Variants in AGAP1 observed in about 807,000 individuals in gnomAD.
AGAP1 encodes ArfGAP with GTPase domain, ankyrin repeat and PH domain 1.
In AGAP1, 29 loss-of-function variants were observed where a neutral mutation model predicts 105.3. That is an observed-to-expected ratio of 0.28 (90% confidence interval 0.21 to 0.38). The LOEUF (loss-of-function observed/expected upper bound fraction) is 0.38. Ranked by LOEUF, AGAP1 falls within the 10% of genes least tolerant of loss-of-function variation. The probability of loss-of-function intolerance (pLI) is 1.00; values close to 1 mark genes in which losing one functional copy is unlikely to be tolerated. For synonymous variants in AGAP1, 509 were observed against 485.9 expected, an observed-to-expected ratio of 1.05 and a Z score of -0.63; for missense variants, 998 against 1,165.1, an observed-to-expected ratio of 0.86 and a Z score of 2.09.
intron 1 of AGAP1, among the ~76,000 whole-genome samples, chr2:235,694,835 G>A (rs143559356): frequency 2.0e-5 from 3 of 152,200 alleles, no homozygotes; most frequent in African/African-American, 7.2e-5. Flanking sequence ...GGAAGCAAAC[G>A]CGTCTCAGAC....
intron 6 of AGAP1, among the ~76,000 whole-genome samples, chr2:235,758,943 C>A (rs1954165948): frequency 6.6e-6 from 1 of 152,138 alleles, no homozygotes; most frequent in Admixed American, 6.5e-5. Context: ...CAGGTGCGTG[C>A]CAGCACACCC....
rs1948094566 is a variant in AGAP1 at position 235,665,412 on chromosome 2, A to G, written c.164-43767A>G. On this transcript the variant is annotated intron_variant, in intron 1 of 17. Coordinates refer to ENST00000304032, the MANE Select transcript of AGAP1 (RefSeq NM_001037131.3). The surrounding 1 kb of genome is among the most constrained non-coding windows in gnomAD (Gnocchi z 5.3). ...AGGGTCAAGTCCTCATCTCTTTTAC[A>G]GTTCCACGTTTAACCTTCAGCTTTT... 6.6e-6 allele frequency among the ~76,000 whole-genome samples: 1 copy of G among 152,094 alleles called. No individual in the cohort carries two copies. Among genetic ancestry groups the G allele is most frequent in the African/African-American group, 2.4e-5 (1 of 41,400 alleles).
chr2:235,672,004 T>C (rs1948458856), intron 1 of AGAP1, among the ~76,000 whole-genome samples: 1 of 151,942 alleles, frequency 6.6e-6, no homozygotes, highest in African/African-American at 2.4e-5. Flanking sequence ...GTTGTATGCC[T>C]GAAGATATTG....
At chr2:235,697,578 G>A (rs753152338) in intron 1 of AGAP1, among the ~76,000 whole-genome samples, 56 of 152,200 alleles carry the variant, frequency 3.7e-4, no homozygotes, top group Non-Finnish European at 6.8e-4. Context: ...CTTGCCCCAC[G>A]GACCCTCCCC....
chr2:235,573,843 C>T (rs1176870577), intron 1 of AGAP1, among the ~76,000 whole-genome samples: 1 of 152,228 alleles, frequency 6.6e-6, no homozygotes, highest in African/African-American at 2.4e-5. Context: ...AAATGCTTGC[C>T]TCACCCCAGT....
At chr2:235,910,963 G>A (rs780835047) in intron 11 of AGAP1, among the ~76,000 whole-genome samples, 40 of 151,608 alleles carry the variant, frequency 2.6e-4, no homozygotes, top group Non-Finnish European at 4.6e-4. Flanking sequence ...GAAGTTGTGC[G>A]CACTGCAGAT....
chr2:236,115,281 G>T (rs1055008132), intron 16 of AGAP1, among the ~76,000 whole-genome samples: 1 of 152,184 alleles, frequency 6.6e-6, no homozygotes, highest in Non-Finnish European at 1.5e-5. Flanking sequence ...ATCCAAATGC[G>T]TGATCCCAAA....
rs1574742675 is a variant in AGAP1 at position 235,517,524 on chromosome 2, G to T, written c.163+22675G>T. On this transcript the variant is annotated intron_variant, in intron 1 of 17. Coordinates refer to ENST00000304032, the MANE Select transcript of AGAP1 (RefSeq NM_001037131.3). The surrounding 1 kb of genome is among the most constrained non-coding windows in gnomAD (Gnocchi z 4.1). ...GACTAATTTTTACTGGAAAGAAGTA[G>T]CAGCCATGAGGCAGGAGATCCTCTT... is the stretch of plus-strand genomic sequence containing the variant. Among the ~76,000 whole-genome samples, 1 of 152,278 alleles carries T rather than the reference G, an allele frequency of 6.6e-6. No individual in the cohort carries two copies. The highest frequency in any genetic ancestry group is 6.5e-5 in the Admixed American group (1 of 15,304).
chr2:235,892,086 G>A (rs146425095), intron 10 of AGAP1, among the ~76,000 whole-genome samples: 1,646 of 152,012 alleles, frequency 0.011, 36 homozygotes, highest in African/African-American at 0.038. Flanking sequence ...CCCAGGAGAC[G>A]GAGGTTGCAG....
In AGAP1 at chr2:235,533,403, G is replaced by A. The variant is rs148568405; in HGVS notation, c.163+38554G>A. Among the ~76,000 whole-genome samples, 345 of 152,272 alleles carry A rather than the reference G, an allele frequency of 2.3e-3. 1 individual carries two copies. The highest frequency in any genetic ancestry group is 7.7e-3 in the African/African-American group (321 of 41,552). On this transcript the variant is annotated intron_variant, in intron 1 of 17. Coordinates refer to ENST00000304032, the MANE Select transcript of AGAP1 (RefSeq NM_001037131.3). The stretch of plus-strand genomic sequence containing the variant: ...TTTCTGGATCAGACAAGTGGAGAAC[G>A]GTCTTAGGGAAATGTGTACATCCAT...
At position 235,734,955 on chromosome 2, in the gene AGAP1, G is replaced by A. The variant is rs190867849; in HGVS notation, c.311-6008G>A. On this transcript the variant is annotated intron_variant, in intron 3 of 17. Transcript: ENST00000304032. This position sits in a 1 kb window ranked among gnomAD's most constrained non-coding sequence, Gnocchi z 5.3. ...TTTGGGTGTTGCCAGTGATGTTTGC[G>A]TCATAAGATGGGGTGAGGGCTAACG... is the stretch of plus-strand genomic sequence containing the variant. Among the ~76,000 whole-genome samples, 478 of 125,440 alleles carry A rather than the reference G, an allele frequency of 3.8e-3. 2 individuals are homozygous for A. Among genetic ancestry groups the A allele is most frequent in the African/African-American group, 0.011 (446 of 39,344 alleles). 82.3% of individuals were successfully genotyped at this position (125,440 alleles called of 152,430 possible).
chr2:235,940,620 C>G (rs987596359), intron 12 of AGAP1, among the ~76,000 whole-genome samples: 5 of 152,226 alleles, frequency 3.3e-5, no homozygotes, highest in Admixed American at 2.6e-4. Context: ...ACCCAGACTT[C>G]TTGTTTTTCT....
intron 1 of AGAP1, among the ~76,000 whole-genome samples, chr2:235,542,509 A>G (rs1249384141): frequency 6.6e-6 from 1 of 152,198 alleles, no homozygotes; most frequent in African/African-American, 2.4e-5. Context: ...ATACCTATTC[A>G]TTGTTAAAAA....
chr2:235,807,304 G>A lies in AGAP1; in HGVS notation c.1023G>A (p.Gly341=). 1.2e-6 allele frequency: 2 copies of A among 1,600,870 alleles called. No homozygotes were observed. The highest frequency in any genetic ancestry group is 1.7e-6 in the Non-Finnish European group (2 of 1,176,686). The part of the protein sequence containing the change: ...KGLESRADSI[G]SGRAIPIKQG... The stretch of plus-strand genomic sequence containing the variant: ...TGGAGAGTCGTGCGGACAGCATTGG[G>A]AGCGGCCGAGCCATCCCAATTAAAC... The change falls in exon 9 of 18, where the codon GGG becomes GGA. Residue 341 remains glycine (G), a synonymous_variant. Transcript: ENST00000304032.
In AGAP1 at chr2:235,855,223, G is replaced by A. The variant is rs376617801; in HGVS notation, c.1051-28122G>A. ...ATGTGCTGCCATCCCTTGGGGTGGC[G>A]CACGGAAATGGAAGCGTGAGGTCAT... On this transcript the variant is annotated intron_variant, in intron 9 of 17. Coordinates refer to ENST00000304032, the MANE Select transcript of AGAP1 (RefSeq NM_001037131.3). The surrounding 1 kb of genome is among the most constrained non-coding windows in gnomAD (Gnocchi z 5.0). Among the ~76,000 whole-genome samples the A allele has an allele frequency of 4.6e-5, 7 of 152,166 alleles. No homozygotes were observed. Among genetic ancestry groups the A allele is most frequent in the African/African-American group, 1.4e-4 (6 of 41,430 alleles).
intron 16 of AGAP1, among the ~76,000 whole-genome samples, chr2:236,093,895 G>C (rs1261127313): frequency 6.6e-6 from 1 of 151,800 alleles, no homozygotes; most frequent in East Asian, 1.9e-4. Context: ...TTTTTAAAGG[G>C]GGTTTCTCTG....
At position 236,080,363 on chromosome 2, in the gene AGAP1, C is replaced by G. The variant is rs2058749975; in HGVS notation, c.2114+31082C>G. Among the ~76,000 whole-genome samples the G allele has an allele frequency of 6.6e-6, 1 of 152,220 alleles. No homozygotes were observed. The highest frequency in any genetic ancestry group is 6.5e-5 in the Admixed American group (1 of 15,280). On this transcript the variant is annotated intron_variant, in intron 16 of 17. Transcript: ENST00000304032. This position sits in a 1 kb window ranked among gnomAD's most constrained non-coding sequence, Gnocchi z 4.2. The stretch of plus-strand genomic sequence containing the variant: ...ATTCTGTGAGTCCAGAAACCTCCAT[C>G]TCAGTCTAGGAGGGACAGCTAGGAG...
Position 236,000,409 on chromosome 2 carries a change from A to T in AGAP1, c.1645+31786A>T, listed in dbSNP as rs1243918146. 6.6e-6 allele frequency among the ~76,000 whole-genome samples: 1 copy of T among 152,212 alleles called. No homozygotes were observed. Among genetic ancestry groups the T allele is most frequent in the Non-Finnish European group, 1.5e-5 (1 of 68,038 alleles). On this transcript the variant is annotated intron_variant, in intron 13 of 17. Transcript: ENST00000304032. The surrounding 1 kb of genome is among the most constrained non-coding windows in gnomAD (Gnocchi z 4.3). The stretch of plus-strand genomic sequence containing the variant: ...CAATGGCATTGAGGACTTTCTGTAC[A>T]AAAATCACTACGCGTGACAGCTCAA...
chr2:235,903,235 TA>T (rs2051148486), intron 10 of AGAP1, among the ~76,000 whole-genome samples: 2 of 152,352 alleles, frequency 1.3e-5, no homozygotes, highest in East Asian at 1.9e-4. Flanking sequence ...TATTTTCCAT[TA>T]TTTTTTTCCA....
Sources: gnomAD v4.1 joint callset for allele counts (sites outside exome capture counted in the v4.1 genomes callset) on GRCh38, gnomAD v4.1.1 for gene constraint, Gnocchi (gnomAD v3.1) non-coding constraint, MANE v1.5 for transcripts, NCBI Gene and HGNC (gene_info 2026-07-23, HGNC 2026-07-21) for gene names.